PPP2R2C: variants seen among roughly 807,000 people sequenced by gnomAD.
PPP2R2C encodes the protein protein phosphatase 2, regulatory subunit B, gamma.
In PPP2R2C, 10 loss-of-function variants were observed where a neutral mutation model predicts 45.3. The observed-to-expected ratio is 0.22, with a 90% CI of 0.14 to 0.37. The LOEUF (loss-of-function observed/expected upper bound fraction) is 0.37, where lower values mean the gene tolerates loss of function less well. Ranked by LOEUF, PPP2R2C falls within the 10% of genes least tolerant of loss-of-function variation. The pLI, the probability that PPP2R2C is intolerant of heterozygous loss-of-function variation, is 1.00. For missense variants in PPP2R2C, 308 were observed against 619.7 expected (o/e 0.50, Z 5.34); for synonymous variants, 257 against 245.4 (o/e 1.05, Z -0.44).
intron 1 of PPP2R2C, among the ~76,000 whole-genome samples, chr4:6,387,735 C>T (rs1000760657): frequency 6.6e-6 from 1 of 151,428 alleles, no homozygotes; most frequent in Non-Finnish European, 1.5e-5. Context: ...ATTGCTTGAA[C>T]CTGAGAGGTG....
intron 4 of PPP2R2C, among the ~76,000 whole-genome samples, chr4:6,375,485 A>G (rs547075784): frequency 6.6e-6 from 1 of 152,228 alleles, no homozygotes; most frequent in Non-Finnish European, 1.5e-5. Flanking sequence ...GTTTTAGGTG[A>G]GTTGCTGTCT....
intron 5 of PPP2R2C, among the ~76,000 whole-genome samples, chr4:6,372,033 G>A (rs528956985): frequency 2.6e-5 from 4 of 152,314 alleles, no homozygotes; most frequent in African/African-American, 7.2e-5. Context: ...CACCGAGCAG[G>A]GGGCCCTCAG....
chr4:6,476,899 G>A (rs900624231), upstream of PPP2R2C, among the ~76,000 whole-genome samples: 5 of 152,144 alleles, frequency 3.3e-5, no homozygotes, highest in Admixed American at 3.3e-4. Flanking sequence ...GGGCACATAG[G>A]TTGTTTGTTC....
At chr4:6,486,923 T>C (rs1228481967) in intron 2 of PPP2R2C, among the ~76,000 whole-genome samples, 3 of 152,032 alleles carry the variant, frequency 2.0e-5, no homozygotes, top group Non-Finnish European at 4.4e-5. Flanking sequence ...TTCCCTTCTT[T>C]CTCCTTTTCT....
chr4:6,352,557 GT>G (rs1349476393), intron 5 of PPP2R2C, among the ~76,000 whole-genome samples: 3 of 152,284 alleles, frequency 2.0e-5, no homozygotes, highest in Non-Finnish European at 2.9e-5. Flanking sequence ...GGTGGGATTT[GT>G]TTCCCTTCCA....
intron 5 of PPP2R2C, chr4:6,349,611 C>T (rs1175946595): frequency 3.5e-5 from 34 of 981,870 alleles, no homozygotes; most frequent in Admixed American, 6.2e-5. Context: ...GAGGCCGAGG[C>T]GGGCGGATCA....
At chr4:6,347,349 C>T (rs1191828467) in intron 6 of PPP2R2C, among the ~76,000 whole-genome samples, 2 of 152,100 alleles carry the variant, frequency 1.3e-5, no homozygotes, top group South Asian at 4.1e-4. Flanking sequence ...CCTGTGGGAC[C>T]CCCACAGCAG....
chr4:6,520,965 T>C (rs1056814106), intron 2 of PPP2R2C, among the ~76,000 whole-genome samples: 1 of 152,258 alleles, frequency 6.6e-6, no homozygotes, highest in African/African-American at 2.4e-5. Flanking sequence ...ATTATCACCA[T>C]GACCTCTGGG....
chr4:6,521,214 C>G (rs1422656669), intron 2 of PPP2R2C, among the ~76,000 whole-genome samples: 1 of 152,226 alleles, frequency 6.6e-6, no homozygotes, highest in Non-Finnish European at 1.5e-5. Context: ...ATACAGCACC[C>G]AGTTCCAGCC....
chr4:6,364,308 G>A lies in PPP2R2C; in HGVS notation c.625+8215C>T, dbSNP rs1226696841. On this transcript the variant is annotated intron_variant, in intron 5 of 8. Transcript: ENST00000382599. The surrounding 1 kb of genome is among the most constrained non-coding windows in gnomAD (Gnocchi z 5.3). ...GAGATGGCTGGAAATATGGTGAAGA[G>A]CAGGGGGCCGGGAACGCTGAGCCCA... Among the ~76,000 whole-genome samples the A allele has an allele frequency of 6.6e-6, 1 of 152,208 alleles. No individual in the cohort carries two copies. The highest frequency in any genetic ancestry group is 1.5e-5 in the Non-Finnish European group (1 of 68,038).
At chr4:6,557,728 G>A (rs547109043) in intron 1 of PPP2R2C, among the ~76,000 whole-genome samples, 50 of 152,284 alleles carry the variant, frequency 3.3e-4, no homozygotes, top group Middle Eastern at 3.4e-3. Context: ...AGGCCCTCAA[G>A]TAGTCCAGAA....
At chr4:6,323,718 T>C (rs1354938268) in intron 8 of PPP2R2C, 125 bp from the exon 9 acceptor site, 1 of 1,035,586 alleles carries the variant, frequency 9.7e-7, no homozygotes, top group Non-Finnish European at 1.3e-6. Context: ...GGAGGATTGC[T>C]TCAGCCTAGG....
chr4:6,428,790 G>T (rs942410791), intron 1 of PPP2R2C, among the ~76,000 whole-genome samples: 14 of 152,238 alleles, frequency 9.2e-5, no homozygotes, highest in Admixed American at 3.3e-4. Context: ...GTATTTGGCT[G>T]CATTTGACAG....
chr4:6,475,146 A>G (rs1274222348), upstream of PPP2R2C, among the ~76,000 whole-genome samples: 2 of 152,204 alleles, frequency 1.3e-5, no homozygotes, highest in African/African-American at 2.4e-5. Flanking sequence ...TGTGTGGGCC[A>G]TGACTGGTGC....
chr4:6,556,751 CA>C, intron 1 of PPP2R2C, among the ~76,000 whole-genome samples: 1 of 152,146 alleles, frequency 6.6e-6, no homozygotes, highest in Admixed American at 6.5e-5. Flanking sequence ...GCAACATGAG[CA>C]ACCAGATTCT....
intron 1 of PPP2R2C, among the ~76,000 whole-genome samples, chr4:6,549,601 A>G (rs1360821355): frequency 6.6e-6 from 1 of 152,174 alleles, no homozygotes; most frequent in East Asian, 1.9e-4. Flanking sequence ...CTGCTCCTGT[A>G]GAGTGGCCAC....
intron 5 of PPP2R2C, among the ~76,000 whole-genome samples, chr4:6,362,882 AC>A (rs1713924119): frequency 4.8e-5 from 1 of 20,940 alleles, no homozygotes; most frequent in Non-Finnish European, 1.7e-4. Flanking sequence ...TTTCCCCTGC[AC>A]CCCCTTTCCC....
chr4:6,382,248 C>T, intron 1 of PPP2R2C: 1 of 1,220,886 alleles, frequency 8.2e-7, no homozygotes, highest in Non-Finnish European at 1.0e-6. Flanking sequence ...GGATGGCCCG[C>T]TGCTGTGAAT....
rs1332722936 is a variant in PPP2R2C at position 6,488,027 on chromosome 4, G to GT, written c.49+47243dup. Among the ~76,000 whole-genome samples, 3 of 152,162 alleles carry GT rather than the reference G, an allele frequency of 2.0e-5. No individual in the cohort carries two copies. In the East Asian group the frequency reaches 5.8e-4, roughly 29 times the overall value. The stretch of plus-strand genomic sequence containing the variant: ...CTCTGCTGTTAATCCTATCCAGTGT[G>GT]TTTTTCATATTATACATTGTAATTT... On this transcript the variant is annotated intron_variant, in intron 2 of 9. Coordinates refer to the PPP2R2C transcript ENST00000506140.
Sources: gnomAD v4.1 joint callset for allele counts (sites outside exome capture counted in the v4.1 genomes callset) on GRCh38, gnomAD v4.1.1 for gene constraint, Gnocchi (gnomAD v3.1) non-coding constraint, MANE v1.5 for transcripts, NCBI Gene and HGNC (gene_info 2026-07-23, HGNC 2026-07-21) for gene names.